The following CACNA1E variants were observed in gnomAD, a reference collection of about 807,000 sequenced individuals.
CACNA1E encodes the protein calcium voltage-gated channel subunit alpha1 E, also known as voltage-dependent R-type calcium channel subunit alpha-1E.
CACNA1E carries 40 observed loss-of-function variants against 259.2 expected under a neutral mutation model. The ratio of observed to expected loss-of-function variants is 0.15; its 90% CI spans 0.12 to 0.20. The LOEUF is 0.20. Among genes scored for constraint, CACNA1E ranks in the 10% least tolerant of loss-of-function variants. CACNA1E has a pLI of 1.00. For synonymous variants in CACNA1E, 1,104 were observed against 1,138.5 expected (o/e 0.97, Z 0.61); for missense variants, 1,874 against 3,040.1 (o/e 0.62, Z 9.02).
Position 181,720,768 on chromosome 1 carries a change from A to G in CACNA1E, c.1884-15A>G. On this transcript the variant is annotated splice_polypyrimidine_tract_variant and intron_variant, in intron 14 of 47. Transcript: ENST00000367573. ...AGATTTTCATTTCATTATTTTCTCT[A>G]ATTTTGTTTTTCAGGTTTAACTTTA... 6.7e-7 allele frequency: 1 copy of G among 1,483,498 alleles called. No individual in the cohort carries two copies. The highest frequency in any genetic ancestry group is 9.4e-7 in the Non-Finnish European group (1 of 1,066,692). The allele number at this position is 1,483,498 out of a possible 1,614,324, so 91.9% of individuals were successfully genotyped here. A position where few individuals can be genotyped will look rare whatever the true frequency, so the allele number is the denominator to read the frequency against.
At chr1:181,561,367 G>A (rs1260307897) in intron 3 of CACNA1E, among the ~76,000 whole-genome samples, 1 of 152,136 alleles carries the variant, frequency 6.6e-6, no homozygotes, top group Non-Finnish European at 1.5e-5. Flanking sequence ...TTTGACAAAT[G>A]TATATAGTTG....
At chr1:181,436,709 G>C (rs77877878) in intron 2 of CACNA1E, among the ~76,000 whole-genome samples, 8 of 151,968 alleles carry the variant, frequency 5.3e-5, no homozygotes, top group Non-Finnish European at 1.2e-4. Flanking sequence ...GGGGACGAGG[G>C]GGGTGGATGA....
chr1:181,560,038 T>TC (rs1395628182), intron 3 of CACNA1E, among the ~76,000 whole-genome samples: 14 of 152,118 alleles, frequency 9.2e-5, no homozygotes, highest in Admixed American at 7.9e-4. Context: ...ATTTTTTTTT[T>TC]CTGTATTTGT....
At chr1:181,492,813 C>G (rs1664431616) in intron 1 of CACNA1E, among the ~76,000 whole-genome samples, 1 of 152,322 alleles carries the variant, frequency 6.6e-6, no homozygotes, top group African/African-American at 2.4e-5. Flanking sequence ...CTTTTTTACT[C>G]CCACTTCCCT....
intron 44 of CACNA1E, among the ~76,000 whole-genome samples, 169 bp downstream of exon 44, chr1:181,790,725 C>T (rs532892382): frequency 6.6e-6 from 1 of 152,352 alleles, no homozygotes; most frequent in African/African-American, 2.4e-5. Flanking sequence ...TTCTCATGTG[C>T]TCTGACAATG....
At chr1:181,729,431 T>G (rs1408125590) in intron 18 of CACNA1E, among the ~76,000 whole-genome samples, 1 of 152,258 alleles carries the variant, frequency 6.6e-6, no homozygotes, top group South Asian at 2.1e-4. Context: ...CCGACTACAC[T>G]TTAAGTGCAA....
At chr1:181,434,386 A>T (rs1213039625) in intron 2 of CACNA1E, among the ~76,000 whole-genome samples, 1 of 123,404 alleles carries the variant, frequency 8.1e-6, no homozygotes, top group Non-Finnish European at 1.7e-5. Flanking sequence ...AGTACTTACT[A>T]CTGGCCAATT....
intron 6 of CACNA1E, among the ~76,000 whole-genome samples, chr1:181,614,824 T>C (rs1226706355): frequency 6.6e-6 from 1 of 152,250 alleles, no homozygotes; most frequent in Admixed American, 6.5e-5. Context: ...ATGACATACC[T>C]AACTTTGATA....
chr1:181,387,515 A>T (rs114971085), intron 1 of CACNA1E, among the ~76,000 whole-genome samples: 1,533 of 152,310 alleles, frequency 0.01, 32 homozygotes, highest in African/African-American at 0.035. Context: ...CAGCCACAGG[A>T]GCCAAAGGTA....
At chr1:181,742,047 C>T (rs1331669575) in intron 25 of CACNA1E, among the ~76,000 whole-genome samples, 1 of 152,214 alleles carries the variant, frequency 6.6e-6, no homozygotes, top group Non-Finnish European at 1.5e-5. Flanking sequence ...CATGCCCATT[C>T]CCTCTCCCCT....
At chr1:181,619,733 C>A (rs1655556500) in intron 6 of CACNA1E, among the ~76,000 whole-genome samples, 1 of 152,050 alleles carries the variant, frequency 6.6e-6, no homozygotes, top group South Asian at 2.1e-4. Context: ...GAAGGAAAGG[C>A]TGATGGATTT....
chr1:181,715,866 G>A (rs1194352765), intron 9 of CACNA1E, among the ~76,000 whole-genome samples, 174 bp from the exon 10 acceptor site: 8 of 152,160 alleles, frequency 5.3e-5, no homozygotes, highest in Non-Finnish European at 1.0e-4. Context: ...CAGCATTTGC[G>A]GTCCGGTAGA....
At chr1:181,318,163 T>TG (rs1650040618) in intron 1 of CACNA1E, 2 of 152,178 alleles carry the variant, frequency 1.3e-5, no homozygotes, top group Non-Finnish European at 2.9e-5. Flanking sequence ...GTGTCTGTCT[T>TG]GCGCCCCGCA....
chr1:181,523,916 G>T (rs1052485051), intron 3 of CACNA1E, among the ~76,000 whole-genome samples: 1 of 152,238 alleles, frequency 6.6e-6, no homozygotes, highest in Non-Finnish European at 1.5e-5. Flanking sequence ...CTCGTGAACA[G>T]AACAGTCTAA....
chr1:181,745,344 T>A (rs1656971292), intron 25 of CACNA1E: 2 of 495,124 alleles, frequency 4.0e-6, no homozygotes, highest in Non-Finnish European at 7.9e-6. Context: ...TTTTTTTTTT[T>A]AATTAACAGC....
chr1:181,793,733 C>T lies in CACNA1E; in HGVS notation c.5967C>T (p.Thr1989=), dbSNP rs753488311. 2.0e-5 allele frequency: 32 copies of T among 1,611,672 alleles called. No individual in the cohort carries two copies. The highest frequency in any genetic ancestry group is 2.4e-5 in the Non-Finnish European group (28 of 1,179,434). The part of the protein sequence containing the change: ...SNHGIYLPSD[T]QEHAGSGRAS... ...ATGGCATCTACCTTCCTTCGGACAC[C>T]CAGGAGCATGCGGGATCTGGGAGGG... The change falls in exon 45 of 48, where the codon ACC becomes ACT. Residue 1989 remains threonine (T), a synonymous_variant. Transcript: ENST00000367573.
At chr1:181,492,005 G>T (rs957778347) in intron 1 of CACNA1E, among the ~76,000 whole-genome samples, 11 of 152,162 alleles carry the variant, frequency 7.2e-5, no homozygotes, top group Non-Finnish European at 1.6e-4. Flanking sequence ...GGCTGGGAGG[G>T]GAGTGAAGGA....
At chr1:181,494,301 A>G (rs1284169769) in intron 1 of CACNA1E, among the ~76,000 whole-genome samples, 1 of 151,562 alleles carries the variant, frequency 6.6e-6, no homozygotes, top group East Asian at 1.9e-4. Flanking sequence ...GAATTAAAAT[A>G]CTTTTTAAAG....
intron 1 of CACNA1E, among the ~76,000 whole-genome samples, chr1:181,389,796 G>C (rs1024167796): frequency 3.3e-5 from 5 of 152,222 alleles, no homozygotes; most frequent in African/African-American, 4.8e-5. Flanking sequence ...CTGCTGAGGA[G>C]ATCAGTGCTG....
Sources: gnomAD v4.1 joint callset for allele counts (sites outside exome capture counted in the v4.1 genomes callset) on GRCh38, gnomAD v4.1.1 for gene constraint, MANE v1.5 for transcripts, NCBI Gene and HGNC (gene_info 2026-07-23, HGNC 2026-07-21) for gene names.